ASTN2: variants seen among roughly 807,000 people sequenced by gnomAD.
ASTN2 encodes the protein astrotactin-2.
A neutral mutation model predicts 139.8 loss-of-function variants in ASTN2; 54 were observed. That is an observed-to-expected ratio of 0.39 (90% CI 0.31 to 0.48). ASTN2 has a LOEUF of 0.48. Among genes scored for constraint, ASTN2 ranks in the 20% least tolerant of loss-of-function variants. ASTN2 has a pLI of 0.95. For synonymous variants in ASTN2, 756 were observed against 719.5 expected, an observed-to-expected ratio of 1.05 and a Z score of -0.81; for missense variants, 1,565 against 1,725.1, an observed-to-expected ratio of 0.91 and a Z score of 1.64.
chr9:117,090,126 T>G (rs1828669162), intron 5 of ASTN2, among the ~76,000 whole-genome samples: 1 of 152,232 alleles, frequency 6.6e-6, no homozygotes, highest in African/African-American at 2.4e-5. Flanking sequence ...TTAAAAATAA[T>G]GTTTATTAGA....
intron 20 of ASTN2, among the ~76,000 whole-genome samples, chr9:116,451,796 G>GT (rs1301366372): frequency 2.0e-5 from 3 of 150,140 alleles, no homozygotes; most frequent in African/African-American, 7.4e-5. Context: ...GAGTGAATAA[G>GT]ACAGTGGATT....
chr9:116,538,662 G>A (rs1051763678), intron 19 of ASTN2, among the ~76,000 whole-genome samples: 2 of 152,134 alleles, frequency 1.3e-5, no homozygotes, highest in African/African-American at 4.8e-5. Flanking sequence ...TATATTCCAT[G>A]CTTTGTTAAT....
intron 13 of ASTN2, among the ~76,000 whole-genome samples, chr9:116,774,389 A>G (rs143117409): frequency 3.6e-4 from 55 of 152,302 alleles, no homozygotes; most frequent in African/African-American, 1.3e-3. Flanking sequence ...TGGATCCATG[A>G]AAGTAAGCTA....
rs557165495 is a variant in ASTN2, at chr9:117,087,494, C to T, written c.1276+8550G>A. Among the ~76,000 whole-genome samples, 14 of 152,246 alleles carry T rather than the reference C, an allele frequency of 9.2e-5. No homozygotes were observed. In the South Asian group the frequency reaches 2.7e-3, roughly 29 times the overall value. On this transcript the variant is annotated intron_variant, in intron 5 of 22. Coordinates refer to ENST00000313400, the MANE Select transcript of ASTN2 (RefSeq NM_001365068.1). The stretch of plus-strand genomic sequence containing the variant: ...CCACCCACCCTGGCCTCCCAAAGTA[C>T]CGAGATTACAGGAGTGAGCCACTGC...
chr9:116,431,242 A>T (rs1174096913), intron 22 of ASTN2, among the ~76,000 whole-genome samples: 1 of 152,150 alleles, frequency 6.6e-6, no homozygotes, highest in Non-Finnish European at 1.5e-5. Context: ...CCTGAAATGG[A>T]GAAAAATAAG....
At chr9:116,712,770 A>C (rs1198176492) in intron 16 of ASTN2, among the ~76,000 whole-genome samples, 5 of 152,218 alleles carry the variant, frequency 3.3e-5, no homozygotes, top group Non-Finnish European at 7.3e-5. Flanking sequence ...CAATGTCACC[A>C]TTGGAAGAGA....
intron 10 of ASTN2, among the ~76,000 whole-genome samples, chr9:116,866,753 G>C (rs1362052852): frequency 1.3e-5 from 2 of 151,972 alleles, no homozygotes; most frequent in African/African-American, 4.8e-5. Flanking sequence ...TAGTAGCCAG[G>C]TGTGGGGCAT....
At chr9:117,174,874 T>C (rs1830879195) in intron 3 of ASTN2, among the ~76,000 whole-genome samples, 1 of 152,058 alleles carries the variant, frequency 6.6e-6, no homozygotes, top group Non-Finnish European at 1.5e-5. Context: ...TTATGACATA[T>C]AGTGATAGAG....
At chr9:116,626,005 A>T (rs1856434614) in intron 17 of ASTN2, among the ~76,000 whole-genome samples, 1 of 151,884 alleles carries the variant, frequency 6.6e-6, no homozygotes, top group Admixed American at 6.6e-5. Flanking sequence ...TTTGAGACAG[A>T]GTCTCCCTTT....
chr9:116,760,538 G>A lies in ASTN2; in HGVS notation c.2397-27015C>T, dbSNP rs73519435. Among the ~76,000 whole-genome samples, 1,517 of 152,344 alleles carry A rather than the reference G, an allele frequency of 1.0e-2. 16 individuals are homozygous for A. The highest frequency in any genetic ancestry group is 0.034 in the African/African-American group (1,394 of 41,570). On this transcript the variant is annotated intron_variant, in intron 13 of 22. Transcript: ENST00000313400. ...CAATTCAGACCTGACTGTGACTTGG[G>A]AACAATGGGAGGATTCCGAGCGAGG...
At chr9:117,406,603 C>G (rs865871347) in intron 1 of ASTN2, among the ~76,000 whole-genome samples, 1 of 152,042 alleles carries the variant, frequency 6.6e-6, no homozygotes, top group Non-Finnish European at 1.5e-5. Flanking sequence ...TAGCTAGGAG[C>G]TGTTCTCCGC....
intron 1 of ASTN2, among the ~76,000 whole-genome samples, chr9:117,311,653 A>G (rs974984830): frequency 2.6e-5 from 4 of 152,100 alleles, no homozygotes; most frequent in Non-Finnish European, 5.9e-5. Flanking sequence ...TCACTCTCCA[A>G]AAAAAACCTC....
At position 116,699,946 on chromosome 9, in the gene ASTN2, T is replaced by C. The variant is rs1564219009; in HGVS notation, c.2806+25825A>G. 2 of 607,700 alleles carry C rather than the reference T, an allele frequency of 3.3e-6. No homozygotes were observed. Among genetic ancestry groups the C allele is most frequent in the East Asian group, 2.9e-5 (1 of 34,218 alleles). The allele number at this position is 607,700 out of a possible 1,614,324, so 37.6% of individuals were successfully genotyped here. ...AAATAGGACACACGATGGTGTTAGCTGAAGTTTGATTAGCAATTAGGCACT... is the reference window on the plus strand; with the variant it reads ...AAATAGGACACACGATGGTGTTAGCCGAAGTTTGATTAGCAATTAGGCACT... On this transcript the variant is annotated intron_variant, in intron 16 of 22. Transcript: ENST00000313400. The surrounding 1 kb of genome is among the most constrained non-coding windows in gnomAD (Gnocchi z 4.2).
At chr9:116,955,091 A>G (rs1440420211) in intron 10 of ASTN2, among the ~76,000 whole-genome samples, 3 of 152,252 alleles carry the variant, frequency 2.0e-5, no homozygotes, top group Non-Finnish European at 4.4e-5. Context: ...GGTGTCAGAT[A>G]GAGCTCTATT....
intron 3 of ASTN2, among the ~76,000 whole-genome samples, chr9:117,190,974 A>C (rs1408929944): frequency 1.3e-5 from 2 of 152,174 alleles, no homozygotes; most frequent in African/African-American, 4.8e-5. Flanking sequence ...AGTTCCTGAC[A>C]CACAGTAGGT....
chr9:117,198,642 G>C (rs954077392), intron 3 of ASTN2, among the ~76,000 whole-genome samples: 6 of 152,098 alleles, frequency 3.9e-5, no homozygotes, highest in Non-Finnish European at 5.9e-5. Flanking sequence ...ATATTCCTTT[G>C]GGTATATACC....
intron 2 of ASTN2, among the ~76,000 whole-genome samples, chr9:117,218,698 G>C (rs931675576): frequency 6.6e-6 from 1 of 152,162 alleles, no homozygotes; most frequent in African/African-American, 2.4e-5. Context: ...TGCTCCTATG[G>C]ACCTTCAGTT....
intron 5 of ASTN2, among the ~76,000 whole-genome samples, chr9:117,040,831 T>A (rs1471161224): frequency 1.3e-5 from 2 of 152,206 alleles, no homozygotes; most frequent in Admixed American, 1.3e-4. Context: ...GATTTGTATA[T>A]CATGCCTGTC....
intron 16 of ASTN2, chr9:116,697,576 G>A (rs1177441911): frequency 2.4e-6 from 2 of 844,692 alleles, no homozygotes; most frequent in Non-Finnish European, 3.7e-6. Flanking sequence ...CTGAATGACT[G>A]GTCATAGCTA....
Sources: allele counts gnomAD v4.1 joint callset (sites outside exome capture counted in the v4.1 genomes callset), GRCh38; gene constraint gnomAD v4.1.1; non-coding constraint Gnocchi (gnomAD v3.1); transcripts MANE v1.5; gene names NCBI Gene and HGNC (gene_info 2026-07-23, HGNC 2026-07-21).